CSF1R: variants seen among roughly 807,000 people sequenced by gnomAD.
The protein encoded by CSF1R is macrophage colony-stimulating factor 1 receptor.
Under a neutral mutation model 110.0 loss-of-function variants are expected in CSF1R, and 40 were observed. That is an observed-to-expected ratio of 0.36 (90% confidence interval 0.28 to 0.47). The LOEUF is 0.47. Among genes scored for constraint, CSF1R ranks in the 20% least tolerant of loss-of-function variants. CSF1R has a pLI of 0.99. For missense variants in CSF1R, 1,052 were observed against 1,253.0 expected (o/e 0.84, Z 2.42); for synonymous variants, 523 against 503.4 (o/e 1.04, Z -0.52).
chr5:150,079,196 C>A (rs1758413873), intron 3 of CSF1R, among the ~76,000 whole-genome samples: 1 of 152,220 alleles, frequency 6.6e-6, no homozygotes, highest in Non-Finnish European at 1.5e-5. Flanking sequence ...CAGGGCTCTG[C>A]AGGATGAAAT....
upstream of CSF1R, among the ~76,000 whole-genome samples, chr5:150,087,120 A>G (rs1758874769): frequency 1.3e-5 from 2 of 152,224 alleles, no homozygotes; most frequent in South Asian, 4.1e-4. Context: ...AGGTAAATAT[A>G]GTGTTCAAAT....
chr5:150,104,457 C>T (rs1759488968), intron 1 of CSF1R, among the ~76,000 whole-genome samples: 1 of 152,178 alleles, frequency 6.6e-6, no homozygotes, highest in Admixed American at 6.5e-5. Flanking sequence ...GGGCAGGTAT[C>T]CTTATTATGC....
chr5:150,080,460 G>T (rs767539473), intron 2 of CSF1R, 124 bp from the exon 3 acceptor site: 66 of 1,305,050 alleles, frequency 5.1e-5, no homozygotes, highest in Admixed American at 1.4e-4. Context: ...ACCACGCCAG[G>T]ACAGTTCAGC....
chr5:150,057,643 T>C, intron 14 of CSF1R, 51 bp from the exon 15 acceptor site: 2 of 1,427,928 alleles, frequency 1.4e-6, no homozygotes, highest in Non-Finnish European at 2.0e-6. Context: ...ATCACTGCAC[T>C]GCTCAGCTCA....
rs1044206368 is a variant in CSF1R, at chr5:150,094,450, T to C, written c.-180-7843A>G. 1.9e-6 allele frequency: 3 copies of C among 1,597,756 alleles called. No homozygotes were observed. The African/African-American group carries it at 4.0e-5, about 21-fold the overall frequency. On this transcript the variant is annotated intron_variant, in intron 1 of 21. Transcript: ENST00000286301. ...CTTCGAAAGGCAAGGAGGAAGCTTA[T>C]CTATGAAAAAGCAAAGCACTATCAC...
rs41338945 is a variant in CSF1R at position 150,077,432 on chromosome 5, C to G, written c.733G>C (p.Ala245Pro). 3 of 1,610,244 alleles carry G rather than the reference C, an allele frequency of 1.9e-6. No homozygotes were observed. Among genetic ancestry groups the G allele is most frequent in the Non-Finnish European group, 2.5e-6 (3 of 1,176,798 alleles). The change falls in exon 5 of 21, where the codon GCA (alanine) becomes CCA (proline). Residue 245 changes from alanine to proline, a missense_variant. By Grantham distance (27) the Ala-to-Pro change is conservative. Around this residue, in one of 5 missense-constraint regions of CSF1R, gnomAD observed 693 missense variants for 735.4 expected, o/e 0.94. Coordinates refer to ENST00000675795, the MANE Select transcript of CSF1R (RefSeq NM_001288705.3). Reference sequence around the variant, plus strand: ...TGAAAGTCAGATTGTTGAGGGATTGCGAGCTGCAGCCAGAAGGAATGGAGA... The same window carrying G: ...TGAAAGTCAGATTGTTGAGGGATTGGGAGCTGCAGCCAGAAGGAATGGAGA... ...VFLQHNNTKL[A>P]IPQQSDFHNN...
intron 1 of CSF1R, chr5:150,095,153 A>G (rs1759185113): frequency 2.8e-6 from 2 of 705,414 alleles, no homozygotes; most frequent in East Asian, 2.7e-5. Flanking sequence ...TTCAAACTAC[A>G]TGAAACAAAA....
chr5:150,093,812 C>G (rs1003346359), intron 1 of CSF1R, among the ~76,000 whole-genome samples: 1 of 152,118 alleles, frequency 6.6e-6, no homozygotes, highest in Admixed American at 6.5e-5. Context: ...GCCTGTAATC[C>G]CAGCACTTTG....
chr5:150,078,028 G>A (rs1758350032), intron 4 of CSF1R, 84 bp downstream of exon 4: 2 of 1,571,108 alleles, frequency 1.3e-6, no homozygotes, highest in Non-Finnish European at 1.7e-6. Context: ...CCAGTTTGGA[G>A]TTGGGGGCCC....
At chr5:150,056,794 A>C (rs937034245) in intron 16 of CSF1R, among the ~76,000 whole-genome samples, 5 of 152,144 alleles carry the variant, frequency 3.3e-5, no homozygotes, top group African/African-American at 1.2e-4. Context: ...ACAGAATTTA[A>C]ATAGTTGCTT....
rs370626621 is a variant in CSF1R, at chr5:150,080,831, G to A, written c.243C>T (p.Thr81=). Residue 81 remains threonine (T), a synonymous_variant, in exon 2 of 21, where the codon ACC becomes ACT. Coordinates refer to ENST00000675795, the MANE Select transcript of CSF1R (RefSeq NM_001288705.3). ...GGTCTCCAGGCTCAGTGCAGCGATAGGTCCCCGTGTTTTGGAAGGTAGCGT... is the reference window on the plus strand; with the variant it reads ...GGTCTCCAGGCTCAGTGCAGCGATAAGTCCCCGTGTTTTGGAAGGTAGCGT... ...TNNATFQNTG[T]YRCTEPGDPL... 21 of 1,614,198 alleles carry A rather than the reference G, an allele frequency of 1.3e-5. No homozygotes were observed. Among genetic ancestry groups the A allele is most frequent in the Non-Finnish European group, 1.6e-5 (19 of 1,180,036 alleles).
chr5:150,060,009 G>A, intron 13 of CSF1R, 147 bp from the exon 14 acceptor site: 1 of 893,172 alleles, frequency 1.1e-6, no homozygotes, highest in South Asian at 2.0e-5. Flanking sequence ...GTTTCCTTGT[G>A]CCTCAGTAGT....
At chr5:150,074,842 T>TAC (rs5872157) in intron 5 of CSF1R, among the ~76,000 whole-genome samples, 2 of 151,788 alleles carry the variant, frequency 1.3e-5, no homozygotes, top group Non-Finnish European at 2.9e-5. Context: ...TCTTCCTTCC[T>TAC]ACACACACAC....
intron 5 of CSF1R, among the ~76,000 whole-genome samples, chr5:150,075,946 G>A (rs186666453): frequency 6.6e-6 from 1 of 152,220 alleles, no homozygotes; most frequent in African/African-American, 2.4e-5. Flanking sequence ...GGGCAGTGAT[G>A]CTCATGATTC....
At position 150,110,710 on chromosome 5, in the gene CSF1R, T is replaced by C. The variant is rs145942736; in HGVS notation, c.-181+2551A>G. On this transcript the variant is annotated intron_variant, in intron 1 of 21. Coordinates refer to the CSF1R transcript ENST00000286301. The stretch of plus-strand genomic sequence containing the variant: ...AGAAAACAACTTTGAAAAATATAAC[T>C]AAACTATTTATAGTGAGAGGCAGAA... 1.6e-3 allele frequency among the ~76,000 whole-genome samples: 250 copies of C among 151,688 alleles called. 6 individuals are homozygous for C. In the South Asian group the frequency reaches 0.026, roughly 16 times the overall value.
rs936666665 is a variant in CSF1R, at chr5:150,104,256, AG to A, written c.-181+9004del. Among the ~76,000 whole-genome samples, 16 of 152,294 alleles carry A rather than the reference AG, an allele frequency of 1.1e-4. 1 individual carries two copies. Among genetic ancestry groups the A allele is most frequent in the African/African-American group, 3.8e-4 (16 of 41,576 alleles). On this transcript the variant is annotated intron_variant, in intron 1 of 21. Transcript: ENST00000286301. ...CTGGTGGAACATGTTTAGGTGGAGGAGGGGTATAACCAGCAAGAGGGGTGGA... is the reference window on the plus strand; with the variant it reads ...CTGGTGGAACATGTTTAGGTGGAGGAGGGTATAACCAGCAAGAGGGGTGGA...
At chr5:150,083,073 G>A (rs1435030654) in intron 1 of CSF1R, among the ~76,000 whole-genome samples, 1 of 152,052 alleles carries the variant, frequency 6.6e-6, no homozygotes, top group Non-Finnish European at 1.5e-5. Flanking sequence ...TATTCACGCA[G>A]GATAAGGCTG....
upstream of CSF1R, among the ~76,000 whole-genome samples, chr5:150,086,928 C>T (rs1489781821): frequency 2.0e-5 from 3 of 152,314 alleles, no homozygotes; most frequent in East Asian, 5.8e-4. Context: ...TCCTGGCTTA[C>T]AACTCCTAAA....
intron 1 of CSF1R, among the ~76,000 whole-genome samples, chr5:150,105,436 G>A (rs1012159322): frequency 5.6e-5 from 8 of 143,422 alleles, no homozygotes; most frequent in Non-Finnish European, 1.2e-4. Context: ...GGCTGATCTC[G>A]AACTCCTGAC....
Sources: gnomAD v4.1 joint callset for allele counts (sites outside exome capture counted in the v4.1 genomes callset) on GRCh38, gnomAD v4.1.1 for gene constraint, gnomAD v4.1.1 regional missense constraint, MANE v1.5 for transcripts, NCBI Gene and HGNC (gene_info 2026-07-23, HGNC 2026-07-21) for gene names.